ASRGL1: variants seen among roughly 807,000 people sequenced by gnomAD.
ASRGL1 encodes isoaspartyl peptidase/L-asparaginase.
Under a neutral mutation model 22.4 loss-of-function variants are expected in ASRGL1, and 16 were observed. The observed-to-expected ratio is 0.71, with a 90% CI of 0.48 to 1.08. The LOEUF (loss-of-function observed/expected upper bound fraction) is 1.08. Among genes scored for constraint, ASRGL1 ranks in the 50% least tolerant of loss-of-function variants. ASRGL1 has a pLI of 0.00. For synonymous variants in ASRGL1, 165 were observed against 159.3 expected, an observed-to-expected ratio of 1.04 and a Z score of -0.27; for missense variants, 412 against 410.1, an observed-to-expected ratio of 1.00 and a Z score of -0.04.
At chr11:62,347,581 C>T (rs183005648) in intron 2 of ASRGL1, among the ~76,000 whole-genome samples, 244 of 152,162 alleles carry the variant, frequency 1.6e-3, no homozygotes, top group Non-Finnish European at 3.0e-3. Flanking sequence ...GTGTCCAGGC[C>T]TTCTACATCT....
intron 4 of ASRGL1, among the ~76,000 whole-genome samples, chr11:62,375,038 G>A (rs549169108): frequency 6.6e-6 from 1 of 151,866 alleles, no homozygotes; most frequent in African/African-American, 2.4e-5. Context: ...AGCCGCCCTG[G>A]GCAGAGCTGG....
Position 62,357,164 on chromosome 11 carries a change from C to G in ASRGL1, c.491+20C>G. 1.2e-6 allele frequency: 2 copies of G among 1,607,888 alleles called. No individual in the cohort carries two copies. The highest frequency in any genetic ancestry group is 1.7e-6 in the Non-Finnish European group (2 of 1,178,074). ...TCAAAAGTAAGTCTTACCTGTGGCTCGCATTATTTGGGAGTTATTAAAATA... is the reference window on the plus strand; with the variant it reads ...TCAAAAGTAAGTCTTACCTGTGGCTGGCATTATTTGGGAGTTATTAAAATA... On this transcript the variant is annotated intron_variant, in intron 4 of 6. Transcript: ENST00000415229.
chr11:62,338,011 G>A lies in ASRGL1; in HGVS notation c.34G>A (p.Ala12Thr). Residue 12 changes from alanine (A) to threonine (T), a missense_variant, in exon 2 of 7, where the codon GCC becomes ACC. Transcript: ENST00000415229. ...NPIVVVHGGG[A>T]GPISKDRKER... ...CATCGTAGTGGTCCACGGCGGCGGAGCCGGTCCCATCTCCAAGGATCGGAA... is the reference window on the plus strand; with the variant it reads ...CATCGTAGTGGTCCACGGCGGCGGAACCGGTCCCATCTCCAAGGATCGGAA... 6.2e-7 allele frequency: 1 copy of A among 1,605,986 alleles called. No individual in the cohort carries two copies. Among genetic ancestry groups the A allele is most frequent in the Non-Finnish European group, 8.5e-7 (1 of 1,176,706 alleles).
At position 62,381,867 on chromosome 11, in the gene ASRGL1, T is replaced by C. The variant is rs113970423; in HGVS notation, c.492-7266T>C. 1,489 of 152,986 alleles carry C rather than the reference T, an allele frequency of 9.7e-3. 33 individuals carry two copies. The highest frequency in any genetic ancestry group is 0.031 in the African/African-American group (1,296 of 41,536). 9.5% of individuals were successfully genotyped at this position (152,986 alleles called of 1,614,324 possible). ...ACTCGGGAATCTCTCATCAACTTGT[T>C]CTCAATGACCACGCTCTAGCTCACC... On this transcript the variant is annotated intron_variant, in intron 4 of 6. Coordinates refer to ENST00000415229, the MANE Select transcript of ASRGL1 (RefSeq NM_001083926.2).
At chr11:62,372,333 G>T in intron 4 of ASRGL1, 1 of 1,589,048 alleles carries the variant, frequency 6.3e-7, no homozygotes, top group Non-Finnish European at 8.6e-7. Flanking sequence ...CTAGACAGAC[G>T]CTGTCCCCAG....
intron 3 of ASRGL1, 37 bp downstream of exon 3, chr11:62,356,504 G>T: frequency 6.2e-7 from 1 of 1,606,376 alleles, no homozygotes; most frequent in Non-Finnish European, 8.5e-7. Context: ...CTAATGAATT[G>T]TTATTGTTAT....
In ASRGL1 at chr11:62,356,079, C is replaced by T. The variant is rs548653340; in HGVS notation, c.191-246C>T. Among the ~76,000 whole-genome samples, 7 of 152,332 alleles carry T rather than the reference C, an allele frequency of 4.6e-5. No homozygotes were observed. The South Asian group carries it at 1.0e-3, about 23-fold the overall frequency. ...TCAATCTTTTCCCCACCTTTCCCCC[C>T]TTTCTATTCCACAAAACCGCCATTG... On this transcript the variant is annotated intron_variant, in intron 2 of 6. Coordinates refer to ENST00000415229, the MANE Select transcript of ASRGL1 (RefSeq NM_001083926.2).
At chr11:62,353,510 A>ATTT (rs199736951) in intron 2 of ASRGL1, among the ~76,000 whole-genome samples, 1 of 150,040 alleles carries the variant, frequency 6.7e-6, no homozygotes, top group Non-Finnish European at 1.5e-5. Flanking sequence ...TGCCCAGCTA[A>ATTT]TTTTTTTTTA....
chr11:62,339,517 G>A (rs1292020095), intron 2 of ASRGL1, among the ~76,000 whole-genome samples: 3 of 152,134 alleles, frequency 2.0e-5, no homozygotes, highest in Non-Finnish European at 4.4e-5. Flanking sequence ...GCTAATATGA[G>A]TATCTACCAT....
intron 4 of ASRGL1, chr11:62,371,451 G>T (rs974284726): frequency 2.9e-5 from 17 of 592,006 alleles, no homozygotes; most frequent in South Asian, 7.9e-5. Context: ...TTTACTCAAG[G>T]TTTAATGGAT....
intron 4 of ASRGL1, among the ~76,000 whole-genome samples, chr11:62,373,714 G>A (rs187715387): frequency 6.6e-6 from 1 of 152,224 alleles, no homozygotes; most frequent in Non-Finnish European, 1.5e-5. Flanking sequence ...GGCCTAGGCC[G>A]GTGTCAGTTC....
intron 2 of ASRGL1, 152 bp downstream of exon 2, chr11:62,338,319 G>C (rs1338754198): frequency 1.1e-6 from 1 of 892,570 alleles, no homozygotes; most frequent in Non-Finnish European, 1.6e-6. Context: ...TTCTACCTGT[G>C]CTGAAAAGAG....
chr11:62,399,319 G>A, the ASRGL1 span, among the ~76,000 whole-genome samples: 1 of 152,172 alleles, frequency 6.6e-6, no homozygotes, highest in South Asian at 2.1e-4. Flanking sequence ...CCCCACACTC[G>A]CCTCCTTAGC....
At chr11:62,363,892 C>T (rs1424927028) in intron 4 of ASRGL1, among the ~76,000 whole-genome samples, 2 of 152,252 alleles carry the variant, frequency 1.3e-5, no homozygotes, top group East Asian at 3.9e-4. Flanking sequence ...CTTAGTGGTT[C>T]ACGCCTGTAA....
At chr11:62,371,278 A>AGCAGCAGCGGTG (rs1417980801) in intron 4 of ASRGL1, 1 of 468,030 alleles carries the variant, frequency 2.1e-6, no homozygotes, top group Non-Finnish European at 3.0e-6. Flanking sequence ...CAGTGGTGGC[A>AGCAGCAGCGGTG]GCAGCAGCAG....
In ASRGL1 at chr11:62,389,202, C is replaced by T. The variant is rs150568119; in HGVS notation, c.561C>T (p.Gly187=). Residue 187 remains glycine, a synonymous_variant, in exon 5 of 7, where the codon GGC becomes GGT. Coordinates refer to ENST00000415229, the MANE Select transcript of ASRGL1 (RefSeq NM_001083926.2). The part of the protein sequence containing the change: ...KGNVAYATST[G]GIVNKMVGRV... ...ATGTAGCCTACGCAACCTCCACAGGCGGTATCGTTAATAAAATGGTCGGCC... is the reference window on the plus strand; with the variant it reads ...ATGTAGCCTACGCAACCTCCACAGGTGGTATCGTTAATAAAATGGTCGGCC... The T allele has an allele frequency of 4.4e-4, 718 of 1,614,018 alleles. 1 individual carries two copies. Among genetic ancestry groups the T allele is most frequent in the Non-Finnish European group, 5.7e-4 (673 of 1,180,046 alleles).
chr11:62,363,212 C>T (rs1256412148), intron 4 of ASRGL1, among the ~76,000 whole-genome samples: 2 of 151,642 alleles, frequency 1.3e-5, no homozygotes, highest in African/African-American at 4.8e-5. Flanking sequence ...GGATTACAGG[C>T]GTGAACCACC....
chr11:62,392,811 G>A lies in ASRGL1; in HGVS notation c.*527G>A, dbSNP rs1276367271. ...AGGGAAAAGAACCAGAATCCTTTAA[G>A]GAAAATGTTCTTCATGTATGAGAGA... is the stretch of plus-strand genomic sequence containing the variant. On this transcript the variant is annotated 3_prime_UTR_variant, in exon 7 of 7. Coordinates refer to ENST00000415229, the MANE Select transcript of ASRGL1 (RefSeq NM_001083926.2). 3 of 161,938 alleles carry A rather than the reference G, an allele frequency of 1.9e-5. No individual in the cohort carries two copies. Among genetic ancestry groups the A allele is most frequent in the African/African-American group, 7.2e-5 (3 of 41,510 alleles). The allele number at this position is 161,938 out of a possible 1,614,324, so 10.0% of individuals were successfully genotyped here.
chr11:62,355,767 G>GGCCTTCC (rs1267696900), intron 2 of ASRGL1, among the ~76,000 whole-genome samples: 1 of 152,004 alleles, frequency 6.6e-6, no homozygotes, highest in East Asian at 1.9e-4. Context: ...AGGACCCTGC[G>GGCCTTCC]GCCTTCCGCA....
Sources: gnomAD v4.1 joint callset for allele counts (sites outside exome capture counted in the v4.1 genomes callset) on GRCh38, gnomAD v4.1.1 for gene constraint, MANE v1.5 for transcripts, NCBI Gene and HGNC (gene_info 2026-07-23, HGNC 2026-07-21) for gene names.